CFAP47: variants seen among roughly 807,000 people sequenced by gnomAD.
The protein encoded by CFAP47 is cilia- and flagella-associated protein 47.
CFAP47 carries 29 observed loss-of-function variants against 148.1 expected under a neutral mutation model. That is an observed-to-expected ratio of 0.20 (90% CI 0.15 to 0.27). The LOEUF (loss-of-function observed/expected upper bound fraction) is 0.27, where lower values mean the gene tolerates loss of function less well. CFAP47 is among the 10% of genes least tolerant of loss of function. CFAP47 has a pLI of 1.00. For synonymous variants in CFAP47, 664 were observed against 577.3 expected, an observed-to-expected ratio of 1.15 and a Z score of -2.15; for missense variants, 1,872 against 1,697.5, an observed-to-expected ratio of 1.10 and a Z score of -1.81.
chrX:36,381,737 A>G (rs1323786044), intron 63 of CFAP47, among the ~76,000 whole-genome samples: 1 of 110,739 alleles, frequency 9.0e-6, no homozygotes, highest in Non-Finnish European at 1.9e-5. Context: ...GATATGATAA[A>G]TCTTAGTTTA....
intron 18 of CFAP47, among the ~76,000 whole-genome samples, chrX:35,995,864 A>G (rs1338718234): frequency 1.8e-5 from 2 of 111,252 alleles, no homozygotes; most frequent in African/African-American, 6.5e-5. Flanking sequence ...AATATAGAGG[A>G]GAAAGGTGAA....
chrX:36,155,924 T>C (rs1200973726), intron 37 of CFAP47, among the ~76,000 whole-genome samples: 1 of 111,238 alleles, frequency 9.0e-6, no homozygotes, highest in African/African-American at 3.3e-5. Context: ...ACCGAAGATA[T>C]AAATCAATAA....
At chrX:36,317,697 C>A (rs1196485382) in intron 56 of CFAP47, among the ~76,000 whole-genome samples, 1 of 109,822 alleles carries the variant, frequency 9.1e-6, no homozygotes, top group Non-Finnish European at 1.9e-5. Flanking sequence ...GGATTACAGG[C>A]GTGAGCCGCC....
chrX:36,071,796 C>T (rs1257741607), intron 27 of CFAP47, 29 bp from the exon 28 acceptor site: 1 of 1,183,097 alleles, frequency 8.5e-7, no homozygotes, highest in Admixed American at 2.3e-5. Flanking sequence ...GCATGTTTTG[C>T]TTACTGTGAT....
At chrX:35,924,749 TTA>T (rs1229655517) in intron 1 of CFAP47, among the ~76,000 whole-genome samples, 17 of 110,901 alleles carry the variant, frequency 1.5e-4, no homozygotes, top group African/African-American at 5.2e-4. Context: ...CCATTGGCAT[TTA>T]TATGTTTCTT....
At chrX:36,102,311 G>A (rs937569153) in intron 32 of CFAP47, among the ~76,000 whole-genome samples, 1 of 111,495 alleles carries the variant, frequency 9.0e-6, no homozygotes, top group African/African-American at 3.3e-5. Flanking sequence ...TGGTTTGCAT[G>A]TTAATGGATA....
chrX:36,236,379 A>C (rs1353817793), intron 47 of CFAP47, among the ~76,000 whole-genome samples: 1 of 112,275 alleles, frequency 8.9e-6, no homozygotes, highest in Non-Finnish European at 1.9e-5. Context: ...TTGGTGTATC[A>C]GAAAATACTT....
At chrX:35,944,207 G>A (rs756599210) in intron 3 of CFAP47, among the ~76,000 whole-genome samples, 3 of 111,171 alleles carry the variant, frequency 2.7e-5, no homozygotes, top group Admixed American at 9.6e-5. Flanking sequence ...ACCCAGAAGT[G>A]GTCCTGGGGA....
At chrX:35,948,284 A>T in intron 3 of CFAP47, 30 bp from the exon 4 acceptor site, 1 of 1,168,268 alleles carries the variant, frequency 8.6e-7, no homozygotes, top group South Asian at 1.9e-5. Flanking sequence ...AAGGGTCCAG[A>T]TGTAAATCAA....
chrX:36,316,467 T>C (rs959728874), intron 56 of CFAP47, among the ~76,000 whole-genome samples: 1 of 112,330 alleles, frequency 8.9e-6, no homozygotes. Flanking sequence ...ATGAAATCTT[T>C]TTAAGAATCA....
chrX:36,256,165 C>T (rs782443673), intron 49 of CFAP47, among the ~76,000 whole-genome samples: 46 of 111,832 alleles, frequency 4.1e-4, no homozygotes, highest in Non-Finnish European at 7.7e-4. Context: ...GAGTAATGGC[C>T]TGTTACTTAT....
At chrX:36,013,185 T>C (rs1937058979) in intron 21 of CFAP47, among the ~76,000 whole-genome samples, 1 of 111,764 alleles carries the variant, frequency 8.9e-6, no homozygotes, top group African/African-American at 3.3e-5. Context: ...GATCGACTCT[T>C]TCTTTTCTCT....
chrX:36,233,754 G>C (rs1443390985), intron 46 of CFAP47, among the ~76,000 whole-genome samples: 1 of 110,994 alleles, frequency 9.0e-6, no homozygotes, highest in Non-Finnish European at 1.9e-5. Flanking sequence ...GGCTGGTACC[G>C]GTTGTTCCTT....
intron 62 of CFAP47, among the ~76,000 whole-genome samples, chrX:36,376,882 T>C (rs1337159364): frequency 2.8e-5 from 3 of 107,465 alleles, no homozygotes; most frequent in Non-Finnish European, 5.8e-5. Flanking sequence ...GTGTCTGGTT[T>C]TCTGTCCTTC....
intron 30 of CFAP47, among the ~76,000 whole-genome samples, chrX:36,092,624 T>A (rs1024824743): frequency 1.8e-5 from 2 of 110,108 alleles, no homozygotes; most frequent in Non-Finnish European, 1.9e-5. Context: ...TTTTATTTTT[T>A]TTTTTTACTT....
intron 46 of CFAP47, among the ~76,000 whole-genome samples, chrX:36,230,414 A>G (rs1940332921): frequency 9.2e-6 from 1 of 109,265 alleles, no homozygotes; most frequent in Non-Finnish European, 1.9e-5. Context: ...TCTTCTTTTG[A>G]GAAGTGTCTG....
rs1937277148 is a variant in CFAP47 at position 36,031,420 on chromosome X, T to C, written c.3651+73T>C. On this transcript the variant is annotated intron_variant, in intron 23 of 63. Coordinates refer to ENST00000378653, the MANE Select transcript of CFAP47 (RefSeq NM_001304548.2). ...AATTCTAGTTTGTTAAGTTGATTAT[T>C]CATAAGCATGAGTGATATGAACTAT... 15 of 272,104 alleles carry C rather than the reference T, an allele frequency of 5.5e-5. No individual in the cohort carries two copies. The East Asian group carries it at 7.8e-4, about 14-fold the overall frequency. 22.4% of individuals were successfully genotyped at this position (272,104 alleles called of 1,213,427 possible).
intron 49 of CFAP47, among the ~76,000 whole-genome samples, chrX:36,263,320 C>G (rs1364734625): frequency 8.9e-6 from 1 of 112,120 alleles, no homozygotes; most frequent in African/African-American, 3.2e-5. Context: ...CTTTTAGGAT[C>G]CTTCCTTTAT....
At chrX:36,289,299 C>T (rs1198120461) in intron 51 of CFAP47, among the ~76,000 whole-genome samples, 4 of 110,630 alleles carry the variant, frequency 3.6e-5, no homozygotes, top group Non-Finnish European at 7.6e-5. Context: ...CCACCGCACC[C>T]GGGCCTCTTT....
Sources: gnomAD v4.1 joint callset for allele counts (sites outside exome capture counted in the v4.1 genomes callset) on GRCh38, gnomAD v4.1.1 for gene constraint, MANE v1.5 for transcripts, NCBI Gene and HGNC (gene_info 2026-07-23, HGNC 2026-07-21) for gene names.